The following ACOXL variants were observed in gnomAD, a reference collection of about 807,000 sequenced individuals.
The protein encoded by ACOXL is acyl-CoA oxidase like, also known as acyl-coenzyme A oxidase-like protein.
In ACOXL, 70 loss-of-function variants were observed where a neutral mutation model predicts 71.9. That is an observed-to-expected ratio of 0.97 (90% confidence interval 0.80 to 1.19). The LOEUF is 1.19. Ranked by LOEUF, ACOXL falls within the 50% of genes most tolerant of loss-of-function variation. ACOXL has a pLI of 0.00. For synonymous variants in ACOXL, 253 were observed against 281.6 expected (o/e 0.90, Z 1.02); for missense variants, 703 against 736.3 (o/e 0.95, Z 0.52).
At chr2:111,070,988 G>C (rs2067314774) in intron 16 of ACOXL, among the ~76,000 whole-genome samples, 1 of 152,114 alleles carries the variant, frequency 6.6e-6, no homozygotes, top group Non-Finnish European at 1.5e-5. Flanking sequence ...GGTGAAGAGA[G>C]CCATCTTGGG....
intron 12 of ACOXL, among the ~76,000 whole-genome samples, chr2:110,972,307 A>C (rs543902181): frequency 1.3e-5 from 2 of 152,304 alleles, no homozygotes; most frequent in Admixed American, 1.3e-4. Flanking sequence ...GGCATGGTCC[A>C]GTTTTACAGT....
At chr2:111,066,397 G>A (rs1178834992) in intron 16 of ACOXL, among the ~76,000 whole-genome samples, 2 of 152,136 alleles carry the variant, frequency 1.3e-5, no homozygotes, top group African/African-American at 2.4e-5. Flanking sequence ...GCAGAAAGAG[G>A]AAGGAAGTAG....
intron 12 of ACOXL, among the ~76,000 whole-genome samples, chr2:110,958,972 T>C (rs762101950): frequency 6.6e-6 from 1 of 152,224 alleles, no homozygotes; most frequent in Non-Finnish European, 1.5e-5. Context: ...TTCAGATACC[T>C]TGTCCTGAGA....
chr2:110,775,389 A>G (rs2105068295), intron 2 of ACOXL, among the ~76,000 whole-genome samples: 1 of 152,320 alleles, frequency 6.6e-6, no homozygotes, highest in Middle Eastern at 3.4e-3. Flanking sequence ...TATAAAAATA[A>G]ACTGGACTAC....
intron 11 of ACOXL, among the ~76,000 whole-genome samples, chr2:110,916,138 A>G (rs1401647041): frequency 6.6e-6 from 1 of 151,994 alleles, no homozygotes; most frequent in Non-Finnish European, 1.5e-5. Context: ...TTTATAAACT[A>G]TATGTGTTAA....
chr2:111,112,295 G>A (rs567671227), intron 17 of ACOXL, among the ~76,000 whole-genome samples: 13 of 152,340 alleles, frequency 8.5e-5, no homozygotes, highest in Non-Finnish European at 1.5e-4. Context: ...GACGCACCAA[G>A]CTAAGGTCTG....
At chr2:110,847,334 C>T (rs1692035626) in intron 10 of ACOXL, among the ~76,000 whole-genome samples, 1 of 152,172 alleles carries the variant, frequency 6.6e-6, no homozygotes, top group Admixed American at 6.5e-5. Flanking sequence ...GTGAGCATCA[C>T]CCCTTTGGCT....
chr2:111,061,129 T>C (rs2066793808), intron 16 of ACOXL, among the ~76,000 whole-genome samples: 1 of 151,570 alleles, frequency 6.6e-6, no homozygotes, highest in South Asian at 2.1e-4. Context: ...AATTGAAAAA[T>C]CCCCCAATTT....
chr2:110,748,028 G>A (rs1460870384), intron 1 of ACOXL, among the ~76,000 whole-genome samples: 1 of 152,124 alleles, frequency 6.6e-6, no homozygotes, highest in Non-Finnish European at 1.5e-5. Context: ...CTGCACTAAA[G>A]GTTTTCTTCT....
chr2:110,746,890 T>C (rs1280442466), intron 1 of ACOXL, among the ~76,000 whole-genome samples: 3 of 145,536 alleles, frequency 2.1e-5, no homozygotes, highest in African/African-American at 7.7e-5. Flanking sequence ...GTCTCCAAAA[T>C]AGCTCACTTT....
At chr2:110,977,881 A>G (rs541876039) in intron 12 of ACOXL, among the ~76,000 whole-genome samples, 70 of 152,330 alleles carry the variant, frequency 4.6e-4, no homozygotes, top group Non-Finnish European at 8.8e-4. Flanking sequence ...GTATACACAG[A>G]TCATCAGGAT....
intron 12 of ACOXL, among the ~76,000 whole-genome samples, chr2:110,943,681 A>G (rs894207956): frequency 6.6e-6 from 1 of 151,940 alleles, no homozygotes; most frequent in Non-Finnish European, 1.5e-5. Context: ...GAGGTACTAA[A>G]CTCCATAGGG....
intron 10 of ACOXL, among the ~76,000 whole-genome samples, chr2:110,875,423 G>A (rs919265186): frequency 6.6e-6 from 1 of 152,152 alleles, no homozygotes; most frequent in Admixed American, 6.5e-5. Flanking sequence ...TCCTCTTTAC[G>A]CCTTTGACAT....
At position 110,962,866 on chromosome 2, in the gene ACOXL, C is replaced by T. The variant is rs185483714; in HGVS notation, c.1060-24242C>T. Among the ~76,000 whole-genome samples, 264 of 152,216 alleles carry T rather than the reference C, an allele frequency of 1.7e-3. 2 individuals are homozygous for T. Among genetic ancestry groups the T allele is most frequent in the African/African-American group, 6.3e-3 (260 of 41,546 alleles). On this transcript the variant is annotated intron_variant, in intron 12 of 17. Coordinates refer to ENST00000439055, the MANE Select transcript of ACOXL (RefSeq NM_001142807.4). ...AGTGATTTGTGGAAGCAGGCTTGGA[C>T]GGGGGAGCAATTCTGGATATTTCAT...
intron 10 of ACOXL, among the ~76,000 whole-genome samples, chr2:110,857,408 G>C (rs1693391939): frequency 6.6e-6 from 1 of 152,194 alleles, no homozygotes; most frequent in South Asian, 2.1e-4. Context: ...AAGCATTGGG[G>C]TGACTGTGAT....
chr2:110,811,316 G>T (rs1030520621), intron 9 of ACOXL, among the ~76,000 whole-genome samples: 6 of 152,166 alleles, frequency 3.9e-5, no homozygotes. Context: ...CTTGCACGGT[G>T]GGGGGTCAGT....
chr2:110,877,260 C>T (rs537377882), intron 10 of ACOXL, among the ~76,000 whole-genome samples: 5 of 152,336 alleles, frequency 3.3e-5, no homozygotes, highest in Non-Finnish European at 7.4e-5. Context: ...TGCCACCCTC[C>T]GCCTCATGGA....
intron 10 of ACOXL, among the ~76,000 whole-genome samples, chr2:110,872,340 A>G (rs998942963): frequency 6.6e-6 from 1 of 152,218 alleles, no homozygotes; most frequent in Non-Finnish European, 1.5e-5. Flanking sequence ...AGATGGCTGG[A>G]GTGCCAGAAA....
intron 9 of ACOXL, among the ~76,000 whole-genome samples, chr2:110,807,567 C>T (rs1240717509): frequency 6.6e-6 from 1 of 152,188 alleles, no homozygotes; most frequent in South Asian, 2.1e-4. Flanking sequence ...ACCACAGTAA[C>T]CCGGAGTTAG....
Sources: gnomAD v4.1 joint callset for allele counts (sites outside exome capture counted in the v4.1 genomes callset) on GRCh38, gnomAD v4.1.1 for gene constraint, MANE v1.5 for transcripts, NCBI Gene and HGNC (gene_info 2026-07-23, HGNC 2026-07-21) for gene names.